The following ROBO1 variants were observed in gnomAD, a reference collection of about 807,000 sequenced individuals.
ROBO1 encodes roundabout guidance receptor 1, also known as roundabout homolog 1.
A neutral mutation model predicts 195.9 loss-of-function variants in ROBO1; 149 were observed. The ratio of observed to expected loss-of-function variants is 0.76; its 90% confidence interval spans 0.67 to 0.87. The LOEUF (loss-of-function observed/expected upper bound fraction) is 0.87. ROBO1 is among the 40% of genes least tolerant of loss of function. The pLI is 0.00. For synonymous variants in ROBO1, 816 were observed against 733.2 expected, an observed-to-expected ratio of 1.11 and a Z score of -1.82; for missense variants, 1,933 against 2,068.3, an observed-to-expected ratio of 0.93 and a Z score of 1.27.
intron 25 of ROBO1, 135 bp downstream of exon 25, chr3:78,631,026 A>T: frequency 1.1e-6 from 1 of 919,770 alleles, no homozygotes; most frequent in Non-Finnish European, 1.6e-6. Context: ...GCTGACCAGC[A>T]CTATTTTATT....
intron 4 of ROBO1, among the ~76,000 whole-genome samples, chr3:78,853,412 AT>A (rs1184239038): frequency 6.7e-6 from 1 of 150,196 alleles, no homozygotes; most frequent in Non-Finnish European, 1.5e-5. Flanking sequence ...TATACAGTAT[AT>A]ATACATATAT....
At chr3:79,272,476 C>T (rs911722061) in intron 2 of ROBO1, among the ~76,000 whole-genome samples, 1 of 152,016 alleles carries the variant, frequency 6.6e-6, no homozygotes, top group African/African-American at 2.4e-5. Flanking sequence ...ATCACAGCAA[C>T]TGGTTTTAAC....
intron 10 of ROBO1, among the ~76,000 whole-genome samples, chr3:78,683,217 A>G (rs1160567616): frequency 1.3e-5 from 2 of 152,096 alleles, no homozygotes; most frequent in Admixed American, 1.3e-4. Flanking sequence ...TTAGTCTTGA[A>G]ACTACAAACC....
intron 5 of ROBO1, 84 bp from the exon 6 acceptor site, chr3:78,717,967 C>T: frequency 6.1e-6 from 8 of 1,312,808 alleles, no homozygotes; most frequent in Non-Finnish European, 8.6e-6. Flanking sequence ...GTGAAGACTG[C>T]TTTCTAAGCA....
Position 78,856,100 on chromosome 3 carries a change from A to T in ROBO1, c.499+82501T>A, listed in dbSNP as rs545263451. On this transcript the variant is annotated intron_variant, in intron 4 of 30. Coordinates refer to ENST00000464233, the MANE Select transcript of ROBO1 (RefSeq NM_002941.4). The stretch of plus-strand genomic sequence containing the variant: ...GAGTAACAAATTACATTCTAAAAGG[A>T]AGATCTATTTCCTAAGTAATCTACA... Among the ~76,000 whole-genome samples the T allele has an allele frequency of 1.3e-4, 20 of 151,774 alleles. 1 individual carries two copies. Among genetic ancestry groups the T allele is most frequent in the Non-Finnish European group, 1.5e-5 (1 of 67,914 alleles).
chr3:79,691,878 T>C (rs1947307758), intron 1 of ROBO1, among the ~76,000 whole-genome samples: 1 of 152,002 alleles, frequency 6.6e-6, no homozygotes, highest in Admixed American at 6.6e-5. Flanking sequence ...AGATGATTCA[T>C]GTGTTCTTTT....
rs940893830 is a variant in ROBO1, at chr3:79,543,022, G to A, written c.88+46802C>T. 9.9e-5 allele frequency among the ~76,000 whole-genome samples: 15 copies of A among 151,994 alleles called. 1 individual carries two copies. Among genetic ancestry groups the A allele is most frequent in the Middle Eastern group, 6.8e-3 (2 of 294 alleles). On this transcript the variant is annotated intron_variant, in intron 2 of 30. Coordinates refer to ENST00000464233, the MANE Select transcript of ROBO1 (RefSeq NM_002941.4). ...CAAGGACATAAAATGGGATTTCAAA[G>A]TTTTTAATATTATTTGATTAAAATA...
chr3:78,784,598 A>G (rs1576159632), intron 4 of ROBO1, among the ~76,000 whole-genome samples: 1 of 103,130 alleles, frequency 9.7e-6, no homozygotes, highest in East Asian at 4.2e-4. Flanking sequence ...TTAAAAGTAA[A>G]TTGAAAAAAA....
chr3:79,113,808 C>G (rs141864602), intron 3 of ROBO1, among the ~76,000 whole-genome samples: 7 of 152,056 alleles, frequency 4.6e-5, no homozygotes, highest in Non-Finnish European at 1.5e-5. Flanking sequence ...ATACAATAGG[C>G]CTTTATCCTG....
intron 1 of ROBO1, among the ~76,000 whole-genome samples, chr3:79,757,700 A>G (rs1704482139): frequency 6.6e-6 from 1 of 152,114 alleles, no homozygotes; most frequent in African/African-American, 2.4e-5. Flanking sequence ...TATAATAATA[A>G]TAGTCACCCT....
At chr3:79,116,623 T>C (rs1317336245) in intron 3 of ROBO1, among the ~76,000 whole-genome samples, 1 of 151,576 alleles carries the variant, frequency 6.6e-6, no homozygotes, top group Non-Finnish European at 1.5e-5. Flanking sequence ...GTTCAAGCGA[T>C]TCCCCTGCTT....
At chr3:78,711,649 C>G (rs115027891) in intron 8 of ROBO1, among the ~76,000 whole-genome samples, 1,672 of 135,352 alleles carry the variant, frequency 0.012, 13 homozygotes, top group Non-Finnish European at 0.019. Context: ...CCACGCCCAG[C>G]TAATTTTTTT....
chr3:78,922,077 C>T (rs1247874323), intron 4 of ROBO1, among the ~76,000 whole-genome samples: 1 of 152,042 alleles, frequency 6.6e-6, no homozygotes, highest in Non-Finnish European at 1.5e-5. Flanking sequence ...CAGCTCTAAC[C>T]ATCTAAGAAA....
chr3:79,200,609 T>C (rs2081745109), intron 2 of ROBO1, among the ~76,000 whole-genome samples: 1 of 151,186 alleles, frequency 6.6e-6, no homozygotes, highest in South Asian at 2.1e-4. Flanking sequence ...ACTTTGAGAG[T>C]GAGTAGGAGT....
At chr3:79,715,365 A>T (rs1181732514) in intron 1 of ROBO1, among the ~76,000 whole-genome samples, 1 of 152,148 alleles carries the variant, frequency 6.6e-6, no homozygotes, top group Non-Finnish European at 1.5e-5. Context: ...AAATTGCCAC[A>T]GTTACCCCAA....
In ROBO1 at chr3:79,191,862, C is replaced by T. The variant is rs186636309; in HGVS notation, c.89-66323G>A. On this transcript the variant is annotated intron_variant, in intron 2 of 30. Coordinates refer to ENST00000464233, the MANE Select transcript of ROBO1 (RefSeq NM_002941.4). ...ATTTTAGTTTTAAGGTCTCTTGGTA[C>T]AAGAATTTCTGTAATCTGGGACAAG... Among the ~76,000 whole-genome samples the T allele has an allele frequency of 6.5e-3, 990 of 151,448 alleles. 5 individuals carry two copies. Among genetic ancestry groups the T allele is most frequent in the Non-Finnish European group, 9.9e-3 (669 of 67,604 alleles).
intron 4 of ROBO1, among the ~76,000 whole-genome samples, chr3:78,848,686 G>A (rs958408445): frequency 6.6e-6 from 1 of 152,118 alleles, no homozygotes; most frequent in Non-Finnish European, 1.5e-5. Context: ...GGGTGAAGAA[G>A]GACAGCGATC....
intron 14 of ROBO1, among the ~76,000 whole-genome samples, chr3:78,666,229 T>TA (rs1707728115): frequency 6.6e-6 from 1 of 152,166 alleles, no homozygotes; most frequent in Non-Finnish European, 1.5e-5. Flanking sequence ...CTTTCCTTTA[T>TA]AAACTGCCCA....
intron 2 of ROBO1, among the ~76,000 whole-genome samples, chr3:79,208,760 G>A (rs1046419930): frequency 6.6e-6 from 1 of 151,464 alleles, no homozygotes; most frequent in Non-Finnish European, 1.5e-5. Context: ...GTGGTTGGCG[G>A]GGGCATGGTG....
Sources: allele counts gnomAD v4.1 joint callset (sites outside exome capture counted in the v4.1 genomes callset), GRCh38; gene constraint gnomAD v4.1.1; transcripts MANE v1.5; gene names NCBI Gene and HGNC (gene_info 2026-07-23, HGNC 2026-07-21).